PC: variants seen among roughly 807,000 people sequenced by gnomAD.
PC encodes pyruvate carboxylase, also known as pyruvate carboxylase, mitochondrial.
PC carries 46 observed loss-of-function variants against 107.8 expected under a neutral mutation model. The ratio of observed to expected loss-of-function variants is 0.43; its 90% CI spans 0.34 to 0.55. PC has a LOEUF of 0.55. Among genes scored for constraint, PC ranks in the 20% least tolerant of loss-of-function variants. The pLI, the probability that PC is intolerant of heterozygous loss-of-function variation, is 0.04. For missense variants in PC, 1,241 were observed against 1,643.1 expected (o/e 0.76, Z 4.23); for synonymous variants, 662 against 684.7 (o/e 0.97, Z 0.52).
intron 16 of PC, 143 bp from the exon 17 acceptor site, chr11:66,851,423 GC>G (rs1945483670): frequency 1.6e-6 from 2 of 1,240,792 alleles, no homozygotes; most frequent in Admixed American, 2.0e-5. Context: ...GCATCCACAG[GC>G]GGGGGGTGGC....
intron 3 of PC, among the ~76,000 whole-genome samples, chr11:66,889,110 A>ATT (rs1454889332): frequency 1.3e-5 from 2 of 152,148 alleles, no homozygotes; most frequent in African/African-American, 4.8e-5. Flanking sequence ...AATTCTGAAA[A>ATT]TGTACTTAAA....
At chr11:66,885,487 TAA>T (rs35717036) in intron 3 of PC, among the ~76,000 whole-genome samples, 3,379 of 104,178 alleles carry the variant, frequency 0.032, 59 homozygotes, top group South Asian at 0.055. Flanking sequence ...AGACTCTGTC[TAA>T]AAAAAAAAAA....
chr11:66,889,795 CT>C (rs1324310531), intron 3 of PC, among the ~76,000 whole-genome samples: 1 of 152,152 alleles, frequency 6.6e-6, no homozygotes, highest in Non-Finnish European at 1.5e-5. Flanking sequence ...TCCTTTTCTC[CT>C]TTTCTCCCAG....
In PC at chr11:66,910,282, G is replaced by A. The variant is rs527415697; in HGVS notation, c.1-38123C>T. Among the ~76,000 whole-genome samples, 6 of 152,254 alleles carry A rather than the reference G, an allele frequency of 3.9e-5. No individual in the cohort carries two copies. The South Asian group carries it at 1.2e-3, about 32-fold the overall frequency. ...GTCGCTCTGTGCTCAGCTCTGGGTAGTGCTTACATCTGTCTCGTCCTTGTC... is the reference window on the plus strand; with the variant it reads ...GTCGCTCTGTGCTCAGCTCTGGGTAATGCTTACATCTGTCTCGTCCTTGTC... On this transcript the variant is annotated intron_variant, in intron 3 of 22. Coordinates refer to ENST00000393960, the MANE Select transcript of PC (RefSeq NM_001040716.2).
At chr11:66,902,604 C>A (rs1215452320) in intron 3 of PC, among the ~76,000 whole-genome samples, 1 of 152,290 alleles carries the variant, frequency 6.6e-6, no homozygotes, top group African/African-American at 2.4e-5. Flanking sequence ...ACTGATCATG[C>A]TAGTGATTAG....
chr11:66,886,659 G>A (rs1591227113), intron 3 of PC, among the ~76,000 whole-genome samples: 1 of 152,198 alleles, frequency 6.6e-6, no homozygotes, highest in African/African-American at 2.4e-5. Context: ...GAGGCAGAGA[G>A]GCAGCAGGGA....
At chr11:66,850,550 C>T (rs941958457) in intron 18 of PC, 86 bp from the exon 19 acceptor site, 2 of 1,607,690 alleles carry the variant, frequency 1.2e-6, no homozygotes, top group Non-Finnish European at 1.7e-6. Flanking sequence ...ATGTCTGACT[C>T]AGGTGACAGA....
At position 66,869,658 on chromosome 11, in the gene PC, G is replaced by A. The variant is rs7110020; in HGVS notation, c.903+644C>T. The stretch of plus-strand genomic sequence containing the variant: ...CTGCAGAGTGCACACCCCGGCCTTC[G>A]GCATGGGGAGGTGACGCATCCTCTG... On this transcript the variant is annotated intron_variant, in intron 9 of 22. Transcript: ENST00000393960. Among the ~76,000 whole-genome samples the A allele has an allele frequency of 9.2e-3, 1,407 of 152,298 alleles. 27 individuals carry two copies. Among genetic ancestry groups the A allele is most frequent in the African/African-American group, 0.031 (1,299 of 41,570 alleles).
intron 3 of PC, among the ~76,000 whole-genome samples, chr11:66,950,884 T>A (rs1056161850): frequency 6.6e-6 from 1 of 151,960 alleles, no homozygotes; most frequent in African/African-American, 2.4e-5. Context: ...GGGATGCAAG[T>A]AAGAGAAATA....
intron 3 of PC, among the ~76,000 whole-genome samples, chr11:66,873,428 ATATAT>A (rs1409807724): frequency 7.3e-5 from 6 of 82,598 alleles, no homozygotes; most frequent in African/African-American, 3.5e-4. Context: ...AATATATTAT[ATATAT>A]TATATATTAT....
At chr11:66,865,532 C>G (rs557857386) in intron 11 of PC, among the ~76,000 whole-genome samples, 1 of 152,190 alleles carries the variant, frequency 6.6e-6, no homozygotes, top group Non-Finnish European at 1.5e-5. Context: ...GACTGGGTCC[C>G]GGTGCTGAGA....
intron 12 of PC, 106 bp from the exon 13 acceptor site, chr11:66,853,489 GCA>G: frequency 7.3e-7 from 1 of 1,368,828 alleles, no homozygotes; most frequent in Non-Finnish European, 1.0e-6. Context: ...CCCTGGGCCA[GCA>G]CAGCTTCTGG....
Position 66,892,251 on chromosome 11 carries a change from C to G in PC, c.1-20092G>C, listed in dbSNP as rs1386557027. 5.3e-5 allele frequency among the ~76,000 whole-genome samples: 8 copies of G among 152,180 alleles called. No individual in the cohort carries two copies. The East Asian group carries it at 1.5e-3, about 29-fold the overall frequency. ...AACACTTCCCCTGAGACCAGAGTGC[C>G]TAAGAGTTCTGGGACAGTCTCAGTT... On this transcript the variant is annotated intron_variant, in intron 3 of 22. Transcript: ENST00000393960.
At chr11:66,891,674 G>A (rs1400967035) in intron 3 of PC, among the ~76,000 whole-genome samples, 9 of 152,238 alleles carry the variant, frequency 5.9e-5, no homozygotes, top group Admixed American at 5.9e-4. Flanking sequence ...TTACAGGCGT[G>A]AGCCACCGCA....
intron 3 of PC, among the ~76,000 whole-genome samples, chr11:66,951,001 C>T (rs530393432): frequency 6.6e-6 from 1 of 152,220 alleles, no homozygotes; most frequent in African/African-American, 2.4e-5. Context: ...GCCATTCCCA[C>T]CATGAGCCCA....
In PC at chr11:66,858,915, G is replaced by A. The variant is rs774246521; in HGVS notation, c.1368+4859C>T. 27 of 1,566,390 alleles carry A rather than the reference G, an allele frequency of 1.7e-5. No individual in the cohort carries two copies. Among genetic ancestry groups the A allele is most frequent in the South Asian group, 5.8e-5 (5 of 85,546 alleles). On this transcript the variant is annotated intron_variant, in intron 12 of 22. Coordinates refer to ENST00000393960, the MANE Select transcript of PC (RefSeq NM_001040716.2). This position sits in a 1 kb window ranked among gnomAD's most constrained non-coding sequence, Gnocchi z 5.9. ...CCGCCCCGGGCCCTCGGACATCGCC[G>A]CCTCCGCTCGCACTGCTGCCGAGGG...
At chr11:66,904,442 C>A (rs1376612020) in intron 3 of PC, among the ~76,000 whole-genome samples, 1 of 152,168 alleles carries the variant, frequency 6.6e-6, no homozygotes, top group Non-Finnish European at 1.5e-5. Flanking sequence ...AGTTTGACAC[C>A]AGCCTGGGCA....
At chr11:66,853,142 G>C (rs1341542890) in intron 13 of PC, 97 bp downstream of exon 13, 10 of 1,403,604 alleles carry the variant, frequency 7.1e-6, no homozygotes, top group Non-Finnish European at 9.8e-6. Flanking sequence ...GGGGCACTAA[G>C]GAGTTCTTTG....
intron 3 of PC, among the ~76,000 whole-genome samples, chr11:66,928,903 G>A (rs762962930): frequency 1.3e-5 from 2 of 152,168 alleles, no homozygotes; most frequent in East Asian, 3.9e-4. Context: ...AACACTACAT[G>A]AAAGTGGGAA....
Sources: allele counts gnomAD v4.1 joint callset (sites outside exome capture counted in the v4.1 genomes callset), GRCh38; gene constraint gnomAD v4.1.1; non-coding constraint Gnocchi (gnomAD v3.1); transcripts MANE v1.5; gene names NCBI Gene and HGNC (gene_info 2026-07-23, HGNC 2026-07-21).